Variants in CSGALNACT1 observed in about 807,000 individuals in gnomAD.
CSGALNACT1 encodes chondroitin sulfate N-acetylgalactosaminyltransferase 1.
A neutral mutation model predicts 51.0 loss-of-function variants in CSGALNACT1; 52 were observed. The observed-to-expected ratio is 1.02, with a 90% confidence interval of 0.82 to 1.29. The LOEUF is 1.29. CSGALNACT1 is among the 50% of genes most tolerant of loss of function. CSGALNACT1 has a pLI of 0.00. For missense variants in CSGALNACT1, 935 were observed against 679.2 expected (o/e 1.38, Z -4.19); for synonymous variants, 341 against 254.4 (o/e 1.34, Z -3.24).
At position 19,644,300 on chromosome 8, in the gene CSGALNACT1, G is replaced by C. The variant is rs570152904; in HGVS notation, c.-544+38173C>G. Among the ~76,000 whole-genome samples, 14 of 151,514 alleles carry C rather than the reference G, an allele frequency of 9.2e-5. No homozygotes were observed. The East Asian group carries it at 2.7e-3, about 29-fold the overall frequency. On this transcript the variant is annotated intron_variant, in intron 1 of 9. Coordinates refer to the CSGALNACT1 transcript ENST00000332246. Reference sequence around the variant, plus strand: ...CTTATTTTATTCTTCATATATTTCTGGATTTTCTACATTTTCCATAATTAG... The same window carrying C: ...CTTATTTTATTCTTCATATATTTCTCGATTTTCTACATTTTCCATAATTAG...
chr8:19,404,738 G>A (rs1032409308), exon 10 of CSGALNACT1: 36 of 454,326 alleles, frequency 7.9e-5, no homozygotes, highest in Middle Eastern at 6.8e-4. Flanking sequence ...GTAAGAAAGC[G>A]GTCCCTACTT....
upstream of CSGALNACT1, among the ~76,000 whole-genome samples, chr8:19,605,408 C>T (rs1245777277): frequency 1.3e-5 from 2 of 152,142 alleles, no homozygotes; most frequent in Non-Finnish European, 2.9e-5. Context: ...TGCACTCCAG[C>T]CTGGGGGAGA....
chr8:19,711,382 A>C (rs2062494767), intron 1 of CSGALNACT1, among the ~76,000 whole-genome samples: 1 of 152,194 alleles, frequency 6.6e-6, no homozygotes. Context: ...GAGTGTAACA[A>C]GTTCAACAAT....
chr8:19,469,924 AG>A (rs2067715723), intron 4 of CSGALNACT1, among the ~76,000 whole-genome samples: 1 of 152,198 alleles, frequency 6.6e-6, no homozygotes, highest in African/African-American at 2.4e-5. Context: ...AGAAGGAGAA[AG>A]GGAGGGAGGG....
chr8:19,445,838 A>G (rs921772712), intron 5 of CSGALNACT1, among the ~76,000 whole-genome samples: 5 of 152,148 alleles, frequency 3.3e-5, no homozygotes, highest in African/African-American at 1.2e-4. Context: ...TGTGTATGTG[A>G]GTGAATGTGT....
At chr8:19,626,764 T>G (rs1055456770) in intron 1 of CSGALNACT1, among the ~76,000 whole-genome samples, 16 of 152,314 alleles carry the variant, frequency 1.1e-4, no homozygotes, top group East Asian at 3.9e-4. Context: ...GCAAAAGACT[T>G]GAACAGACAG....
At chr8:19,516,521 A>T (rs867024178) in intron 3 of CSGALNACT1, among the ~76,000 whole-genome samples, 7 of 152,054 alleles carry the variant, frequency 4.6e-5, no homozygotes, top group Middle Eastern at 3.2e-3. Flanking sequence ...CTCTAGTTAA[A>T]ATGTTTTGTA....
rs1321924710 is a variant in CSGALNACT1 at position 19,652,092 on chromosome 8, G to C, written c.-544+30381C>G. On this transcript the variant is annotated intron_variant, in intron 1 of 9. Transcript: ENST00000332246. ...CTACACGTGTACACCACCACACCCAGCTAATTTTAAATATTTATTTTTATT... is the reference window on the plus strand; with the variant it reads ...CTACACGTGTACACCACCACACCCACCTAATTTTAAATATTTATTTTTATT... 3.3e-5 allele frequency among the ~76,000 whole-genome samples: 5 copies of C among 151,942 alleles called. No individual in the cohort carries two copies. In the South Asian group the frequency reaches 1.0e-3, roughly 32 times the overall value.
intron 3 of CSGALNACT1, among the ~76,000 whole-genome samples, chr8:19,567,815 CA>C (rs1348023903): frequency 1.3e-5 from 2 of 151,758 alleles, no homozygotes; most frequent in African/African-American, 4.8e-5. Context: ...ATGTAAAACA[CA>C]ATGTGGAAAA....
Position 19,458,466 on chromosome 8 carries a change from T to C in CSGALNACT1, c.811A>G (p.Lys271Glu), listed in dbSNP as rs1298332663. 7.4e-6 allele frequency: 12 copies of C among 1,614,070 alleles called. No homozygotes were observed. The highest frequency in any genetic ancestry group is 1.7e-5 in the Admixed American group (1 of 60,002). The stretch of plus-strand genomic sequence containing the variant: ...AACTGCCGGAACTTGTCCACCCTTT[T>C]TGCTAGAGGCACGATAACATTGATA... Residue 271 changes from lysine to glutamate, a missense_variant, in exon 5 of 10, where the codon AAA becomes GAA. By Grantham distance (56) the Lys-to-Glu change is moderately conservative (BLOSUM62 1). Transcript: ENST00000454498.
intron 1 of CSGALNACT1, among the ~76,000 whole-genome samples, chr8:19,680,953 T>C (rs375801111): frequency 1.8e-4 from 28 of 152,258 alleles, no homozygotes; most frequent in African/African-American, 6.5e-4. Context: ...CAGTTGTATA[T>C]GTGGTCCCTT....
chr8:19,424,714 C>A (rs901677543), intron 6 of CSGALNACT1, among the ~76,000 whole-genome samples: 6 of 152,212 alleles, frequency 3.9e-5, no homozygotes, highest in Non-Finnish European at 5.9e-5. Context: ...GGGACTCCAT[C>A]ACTAGACTAG....
At chr8:19,453,872 A>G (rs146936100) in intron 5 of CSGALNACT1, among the ~76,000 whole-genome samples, 1,773 of 151,394 alleles carry the variant, frequency 0.012, 34 homozygotes, top group African/African-American at 0.041. Flanking sequence ...AGAATGTGCC[A>G]CTGCACTCCA....
At chr8:19,421,880 A>T (rs895454300) in intron 6 of CSGALNACT1, among the ~76,000 whole-genome samples, 1 of 152,144 alleles carries the variant, frequency 6.6e-6, no homozygotes, top group South Asian at 2.1e-4. Flanking sequence ...GGATCAGGTT[A>T]GGAGGCCTCA....
In CSGALNACT1 at chr8:19,601,770, C is replaced by A; in HGVS notation, c.-416+1G>T. 1 of 453,044 alleles carries A rather than the reference C, an allele frequency of 2.2e-6. No homozygotes were observed. Among genetic ancestry groups the A allele is most frequent in the South Asian group, 1.6e-5 (1 of 64,190 alleles). 28.1% of individuals were successfully genotyped at this position (453,044 alleles called of 1,614,324 possible). On this transcript the variant is annotated splice_donor_variant, in intron 2 of 9. Coordinates refer to ENST00000454498, the Ensembl canonical transcript of CSGALNACT1. LOFTEE classifies it low-confidence loss of function (5UTR_SPLICE). ...TTTCTTGAGTGAAAATGCTCACTTA[C>A]CTGGGGGTTCAAGAAGGGAAGGTTA...
rs77547438 is a variant in CSGALNACT1 at position 19,751,073 on chromosome 8, T to C, written c.-297+6777A>G. Among the ~76,000 whole-genome samples the C allele has an allele frequency of 6.1e-3, 932 of 152,210 alleles. 7 individuals are homozygous for C. Among genetic ancestry groups the C allele is most frequent in the African/African-American group, 0.021 (880 of 41,526 alleles). On this transcript the variant is annotated intron_variant, in intron 1 of 1. Transcript: ENST00000517494. ...TGCCCAGAAATGGAGACAAATACAA[T>C]ACTGTAAGGAAAATCAATGTTTGCA... is the stretch of plus-strand genomic sequence containing the variant.
chr8:19,442,762 G>T (rs1039515056), intron 5 of CSGALNACT1, among the ~76,000 whole-genome samples: 1 of 150,398 alleles, frequency 6.6e-6, no homozygotes. Flanking sequence ...GAAAGCTAAA[G>T]TCCAGAGAGG....
chr8:19,576,962 C>T (rs533036993), intron 3 of CSGALNACT1, among the ~76,000 whole-genome samples: 9 of 152,298 alleles, frequency 5.9e-5, no homozygotes, highest in African/African-American at 1.7e-4. Context: ...GCTTACCCCC[C>T]TCTTAGACAC....
intron 1 of CSGALNACT1, among the ~76,000 whole-genome samples, chr8:19,610,897 C>G (rs1024584202): frequency 6.6e-6 from 1 of 152,232 alleles, no homozygotes; most frequent in Non-Finnish European, 1.5e-5. Flanking sequence ...ACTAAAAGAG[C>G]ACATGGTAGC....
Sources: gnomAD v4.1 joint callset for allele counts (sites outside exome capture counted in the v4.1 genomes callset) on GRCh38, gnomAD v4.1.1 for gene constraint, MANE v1.5 for transcripts, NCBI Gene and HGNC (gene_info 2026-07-23, HGNC 2026-07-21) for gene names.